DNAJC10: variants seen among roughly 807,000 people sequenced by gnomAD.
The protein encoded by DNAJC10 is DnaJ heat shock protein family (Hsp40) member C10.
Under a neutral mutation model 115.0 loss-of-function variants are expected in DNAJC10, and 101 were observed. The observed-to-expected ratio is 0.88, with a 90% confidence interval of 0.75 to 1.04. The LOEUF (loss-of-function observed/expected upper bound fraction) is 1.04, where lower values mean the gene tolerates loss of function less well. Ranked by LOEUF, DNAJC10 falls within the 50% of genes least tolerant of loss-of-function variation. DNAJC10 has a pLI of 0.00. For missense variants in DNAJC10, 981 were observed against 928.8 expected (o/e 1.06, Z -0.73); for synonymous variants, 307 against 301.5 (o/e 1.02, Z -0.19).
At chr2:182,768,947 G>A (rs1694486499) in intron 22 of DNAJC10, among the ~76,000 whole-genome samples, 1 of 152,004 alleles carries the variant, frequency 6.6e-6, no homozygotes, top group African/African-American at 2.4e-5. Flanking sequence ...TTTACATTAG[G>A]TATTTCTCCT....
chr2:182,757,666 G>A, intron 18 of DNAJC10, 26 bp from the exon 19 acceptor site: 1 of 1,469,012 alleles, frequency 6.8e-7, no homozygotes, highest in Non-Finnish European at 9.0e-7. Context: ...AAAAGTTATG[G>A]AGGTAATCTG....
rs1254264057 is a variant in DNAJC10 at position 182,775,336 on chromosome 2, G to A, written c.2286G>A (p.Gln762=). ...TTTAGAGAAATTTTCAAGAAGAGCA[G>A]ATAAATACCAGAGATGCAAAAGCAA... ...ERAKRNFQEE[Q]INTRDAKAIA... Residue 762 remains glutamine, a synonymous_variant, in exon 23 of 24, where the codon CAG becomes CAA. Transcript: ENST00000264065. 1 of 1,610,442 alleles carries A rather than the reference G, an allele frequency of 6.2e-7. No individual in the cohort carries two copies. Among genetic ancestry groups the A allele is most frequent in the Non-Finnish European group, 8.5e-7 (1 of 1,177,354 alleles).
rs61411602 is a variant in DNAJC10 at position 182,752,713 on chromosome 2, C to CAA, written c.1551+540_1551+541dup. The CAA allele has an allele frequency of 4.1e-3, 667 of 164,424 alleles. 8 individuals are homozygous for CAA. The highest frequency in any genetic ancestry group is 0.016 in the African/African-American group (612 of 38,704). 10.2% of individuals were successfully genotyped at this position (164,424 alleles called of 1,614,324 possible). A position where few individuals can be genotyped will look rare whatever the true frequency, so the allele number is the denominator to read the frequency against. On this transcript the variant is annotated intron_variant, in intron 16 of 23. Coordinates refer to ENST00000264065, the MANE Select transcript of DNAJC10 (RefSeq NM_018981.4). ...AATATCACGTATAAAATACTTTGGG[C>CAA]AAAAAAAAAAAAAAAATCAATCCTA...
intron 7 of DNAJC10, 60 bp from the exon 8 acceptor site, chr2:182,729,788 T>A (rs1430986925): frequency 8.9e-7 from 1 of 1,126,044 alleles, no homozygotes; most frequent in Non-Finnish European, 1.3e-6. Flanking sequence ...TTGGTATTAT[T>A]TTTATTGAGT....
Position 182,779,572 on chromosome 2 carries a change from C to T in DNAJC10, c.*2440C>T, listed in dbSNP as rs1169873038. ...CCAGCCTGGGCAACATAGCAAGACC[C>T]CATCTCTAATAAATAAATTATGTTT... is the stretch of plus-strand genomic sequence containing the variant. On this transcript the variant is annotated 3_prime_UTR_variant, in exon 24 of 24. Coordinates refer to ENST00000264065, the MANE Select transcript of DNAJC10 (RefSeq NM_018981.4). 1 of 151,940 alleles carries T rather than the reference C, an allele frequency of 6.6e-6. No homozygotes were observed. The highest frequency in any genetic ancestry group is 1.5e-5 in the Non-Finnish European group (1 of 67,986). 9.4% of individuals were successfully genotyped at this position (151,940 alleles called of 1,614,324 possible).
intron 22 of DNAJC10, 136 bp downstream of exon 22, chr2:182,762,937 T>A: frequency 9.6e-7 from 1 of 1,037,460 alleles, no homozygotes; most frequent in Admixed American, 2.8e-5. Flanking sequence ...TGATACAAGT[T>A]TTTAAAATTT....
At chr2:182,716,991 C>T (rs954928707) in intron 1 of DNAJC10, 25 bp from the exon 2 acceptor site, 1 of 152,160 alleles carries the variant, frequency 6.6e-6, no homozygotes, top group African/African-American at 2.4e-5. Flanking sequence ...ACTTGTTAAT[C>T]TCTACATCAT....
chr2:182,744,757 A>G (rs1432640282), intron 14 of DNAJC10, among the ~76,000 whole-genome samples: 1 of 152,220 alleles, frequency 6.6e-6, no homozygotes. Flanking sequence ...TATGACAGAC[A>G]TACTAGAAAC....
chr2:182,773,082 C>T (rs1336749399), intron 22 of DNAJC10, among the ~76,000 whole-genome samples: 3 of 152,124 alleles, frequency 2.0e-5, no homozygotes, highest in Non-Finnish European at 4.4e-5. Flanking sequence ...TTTTATTTCT[C>T]CTTCACTTAT....
chr2:182,733,936 T>A (rs1693519863), intron 10 of DNAJC10, among the ~76,000 whole-genome samples: 1 of 151,530 alleles, frequency 6.6e-6, no homozygotes. Flanking sequence ...CCTATTTTTT[T>A]ATATCTGTAG....
chr2:182,745,266 T>G (rs767719129), intron 14 of DNAJC10, among the ~76,000 whole-genome samples: 1 of 152,198 alleles, frequency 6.6e-6, no homozygotes, highest in African/African-American at 2.4e-5. Flanking sequence ...CTCTGCCAGT[T>G]TTTCCAGTCT....
chr2:182,728,513 A>G, intron 5 of DNAJC10, 63 bp from the exon 6 acceptor site: 1 of 1,231,960 alleles, frequency 8.1e-7, no homozygotes, highest in South Asian at 1.4e-5. Context: ...AAAGTTTTTA[A>G]CTAAAATATG....
In DNAJC10 at chr2:182,779,867, A is replaced by G. The variant is rs141980780; in HGVS notation, c.*2735A>G. On this transcript the variant is annotated 3_prime_UTR_variant, in exon 24 of 24. Coordinates refer to ENST00000264065, the MANE Select transcript of DNAJC10 (RefSeq NM_018981.4). ...TTTAGTACGATAAAATTTTTAGTAA[A>G]AGGGTAGCACTTTTAAGTCATTTGA... 9.2e-5 allele frequency: 14 copies of G among 152,308 alleles called. No homozygotes were observed. Among genetic ancestry groups the G allele is most frequent in the African/African-American group, 3.4e-4 (14 of 41,572 alleles). 9.4% of individuals were successfully genotyped at this position (152,308 alleles called of 1,614,324 possible).
chr2:182,730,197 CAA>C (rs1391779782), intron 8 of DNAJC10, among the ~76,000 whole-genome samples: 3 of 152,226 alleles, frequency 2.0e-5, no homozygotes, highest in Non-Finnish European at 2.9e-5. Context: ...AGGCATCTCT[CAA>C]AGTGCAAAAA....
intron 22 of DNAJC10, among the ~76,000 whole-genome samples, chr2:182,767,230 C>T (rs1694436858): frequency 6.6e-6 from 1 of 152,064 alleles, no homozygotes; most frequent in Non-Finnish European, 1.5e-5. Flanking sequence ...AAAATAGTAG[C>T]GTTAATAAAA....
intron 22 of DNAJC10, among the ~76,000 whole-genome samples, chr2:182,774,900 GA>G (rs1694664407): frequency 6.6e-6 from 1 of 152,214 alleles, no homozygotes; most frequent in African/African-American, 2.4e-5. Flanking sequence ...AGAAGAACCA[GA>G]TACCTCAGTT....
At chr2:182,765,905 A>T (rs565813256) in intron 22 of DNAJC10, among the ~76,000 whole-genome samples, 4 of 152,318 alleles carry the variant, frequency 2.6e-5, no homozygotes, top group African/African-American at 9.6e-5. Context: ...TAAAGTTATA[A>T]TGGATTCAAA....
intron 21 of DNAJC10, among the ~76,000 whole-genome samples, chr2:182,761,475 C>T (rs1031510839): frequency 6.6e-6 from 1 of 152,090 alleles, no homozygotes; most frequent in Non-Finnish European, 1.5e-5. Flanking sequence ...GGGGACGAAA[C>T]TAGAGGCAGC....
intron 21 of DNAJC10, among the ~76,000 whole-genome samples, chr2:182,760,655 G>T (rs1559021194): frequency 6.6e-6 from 1 of 152,108 alleles, no homozygotes; most frequent in Non-Finnish European, 1.5e-5. Flanking sequence ...AATCCAGATT[G>T]ATAGCTTTCT....
Sources: gnomAD v4.1 joint callset for allele counts (sites outside exome capture counted in the v4.1 genomes callset) on GRCh38, gnomAD v4.1.1 for gene constraint, MANE v1.5 for transcripts, NCBI Gene and HGNC (gene_info 2026-07-23, HGNC 2026-07-21) for gene names.